The following PDIA3 variants were observed in gnomAD, a reference collection of about 807,000 sequenced individuals.
PDIA3 encodes protein disulfide-isomerase A3.
In PDIA3, 16 loss-of-function variants were observed where a neutral mutation model predicts 56.9. The ratio of observed to expected loss-of-function variants is 0.28; its 90% CI spans 0.19 to 0.43. The LOEUF is 0.43. Among genes scored for constraint, PDIA3 ranks in the 20% least tolerant of loss-of-function variants. The pLI, the probability that PDIA3 is intolerant of heterozygous loss-of-function variation, is 1.00. For synonymous variants in PDIA3, 192 were observed against 216.5 expected, an observed-to-expected ratio of 0.89 and a Z score of 0.99; for missense variants, 485 against 621.3, an observed-to-expected ratio of 0.78 and a Z score of 2.33.
At chr15:43,766,067 T>C (rs2086845984) in intron 7 of PDIA3, 55 bp downstream of exon 7, 3 of 1,519,636 alleles carry the variant, frequency 2.0e-6, no homozygotes, top group South Asian at 1.2e-5. Flanking sequence ...GTATAGACAG[T>C]CCCTTCTAAC....
chr15:43,748,478 C>CAA (rs901101702), intron 1 of PDIA3, among the ~76,000 whole-genome samples: 2 of 143,210 alleles, frequency 1.4e-5, no homozygotes, highest in East Asian at 4.0e-4. Flanking sequence ...AACTCTGTCT[C>CAA]AAAAAAAAAA....
At chr15:43,758,583 G>A (rs1429873480) in intron 3 of PDIA3, among the ~76,000 whole-genome samples, 3 of 151,430 alleles carry the variant, frequency 2.0e-5, no homozygotes, top group Admixed American at 6.6e-5. Context: ...ACTTGAGCCC[G>A]GGAGGCAGAG....
At chr15:43,758,077 A>G (rs1186713699) in intron 3 of PDIA3, among the ~76,000 whole-genome samples, 1 of 151,448 alleles carries the variant, frequency 6.6e-6, no homozygotes, top group Non-Finnish European at 1.5e-5. Context: ...TGTCACTACT[A>G]AAAATACAAA....
intron 3 of PDIA3, among the ~76,000 whole-genome samples, chr15:43,757,557 C>CAA (rs550598811): frequency 3.2e-5 from 3 of 93,322 alleles, no homozygotes; most frequent in African/African-American, 4.1e-5. Context: ...GACTCCGTCT[C>CAA]AAAAAAAAAA....
At chr15:43,760,111 T>C (rs1321769500) in intron 3 of PDIA3, among the ~76,000 whole-genome samples, 1 of 148,060 alleles carries the variant, frequency 6.8e-6, no homozygotes, top group East Asian at 2.0e-4. Context: ...AACAAAAAAA[T>C]GGTTTAACAA....
At position 43,763,082 on chromosome 15, in the gene PDIA3, T is replaced by C. The variant is rs765562588; in HGVS notation, c.478T>C (p.Phe160Leu). ...GTTTAATATTTTCTGTATAGGTTTT[T>C]TCGATGATTCATTCAGTGAGGCTCA... ...SDKDASIVGF[F>L]DDSFSEAHSE... Residue 160 changes from phenylalanine to leucine, a missense_variant, in exon 5 of 13, where the codon TTC (phenylalanine) becomes CTC (leucine). Transcript: ENST00000300289. 5 of 1,613,942 alleles carry C rather than the reference T, an allele frequency of 3.1e-6. No individual in the cohort carries two copies. Among genetic ancestry groups the C allele is most frequent in the South Asian group, 1.1e-5 (1 of 91,066 alleles).
chr15:43,766,505 C>T (rs2141655776), intron 7 of PDIA3, among the ~76,000 whole-genome samples: 1 of 152,332 alleles, frequency 6.6e-6, no homozygotes, highest in East Asian at 1.9e-4. Flanking sequence ...AGCAGGAATG[C>T]ACCAGTTGAT....
chr15:43,753,140 C>T (rs1281924474), intron 1 of PDIA3, among the ~76,000 whole-genome samples: 2 of 150,334 alleles, frequency 1.3e-5, no homozygotes, highest in Non-Finnish European at 3.0e-5. Context: ...TGCAGTGGCG[C>T]GATGTCAGCT....
chr15:43,762,056 A>G (rs1047198033), intron 4 of PDIA3, among the ~76,000 whole-genome samples: 1 of 152,196 alleles, frequency 6.6e-6, no homozygotes, highest in African/African-American at 2.4e-5. Flanking sequence ...CATGTGTTGC[A>G]GTATCTCGTT....
At chr15:43,769,886 A>C (rs2086870922) in intron 10 of PDIA3, among the ~76,000 whole-genome samples, 1 of 152,204 alleles carries the variant, frequency 6.6e-6, no homozygotes, top group Admixed American at 6.5e-5. Context: ...AAAAATATCT[A>C]AGGACTTCTG....
chr15:43,754,042 G>A, intron 2 of PDIA3, 140 bp downstream of exon 2: 4 of 640,518 alleles, frequency 6.2e-6, no homozygotes. Flanking sequence ...CTCTTATTCT[G>A]CTAAGAAGAG....
intron 1 of PDIA3, among the ~76,000 whole-genome samples, chr15:43,749,798 CG>C (rs1188061804): frequency 2.6e-5 from 4 of 151,960 alleles, no homozygotes; most frequent in Non-Finnish European, 5.9e-5. Flanking sequence ...AAAAATTAAC[CG>C]GGCATGGTAG....
chr15:43,768,780 T>C (rs773897816), intron 9 of PDIA3, among the ~76,000 whole-genome samples, 183 bp downstream of exon 9: 1 of 151,818 alleles, frequency 6.6e-6, no homozygotes, highest in East Asian at 1.9e-4. Flanking sequence ...TCCCAGCACT[T>C]TGGGAGGCAA....
In PDIA3 at chr15:43,761,407, T is replaced by C; in HGVS notation, c.365-17T>C. 1 of 1,402,866 alleles carries C rather than the reference T, an allele frequency of 7.1e-7. No homozygotes were observed. Among genetic ancestry groups the C allele is most frequent in the Non-Finnish European group, 1.0e-6 (1 of 998,638 alleles). 86.9% of individuals were successfully genotyped at this position (1,402,866 alleles called of 1,614,324 possible). ...TAAATAAGTTGTGTTGTCATAACTT[T>C]TATTTTGACTTCTAAGATGGAATTG... On this transcript the variant is annotated splice_polypyrimidine_tract_variant and intron_variant, in intron 3 of 12. Transcript: ENST00000300289.
At chr15:43,766,541 G>A (rs2086848489) in intron 7 of PDIA3, among the ~76,000 whole-genome samples, 187 bp from the exon 8 acceptor site, 1 of 152,222 alleles carries the variant, frequency 6.6e-6, no homozygotes, top group Admixed American at 6.5e-5. Flanking sequence ...TGCCAGTGAA[G>A]TTCAGTAAGG....
At chr15:43,765,423 C>G in intron 5 of PDIA3, 27 bp from the exon 6 acceptor site, 1 of 1,291,488 alleles carries the variant, frequency 7.7e-7, no homozygotes. Context: ...TATCTGCCTA[C>G]TGAGACTTTT....
chr15:43,748,308 G>T (rs780376646), intron 1 of PDIA3, among the ~76,000 whole-genome samples: 2 of 149,768 alleles, frequency 1.3e-5, no homozygotes, highest in East Asian at 4.0e-4. Flanking sequence ...AGAAACCCCC[G>T]TCTCTACTAA....
chr15:43,750,857 G>A (rs560788805), intron 1 of PDIA3, among the ~76,000 whole-genome samples: 1 of 152,082 alleles, frequency 6.6e-6, no homozygotes, highest in South Asian at 2.1e-4. Context: ...TAATGGCTGG[G>A]TGCAAAGGCT....
intron 1 of PDIA3, among the ~76,000 whole-genome samples, chr15:43,747,764 T>G (rs897033702): frequency 6.6e-6 from 1 of 152,188 alleles, no homozygotes; most frequent in Non-Finnish European, 1.5e-5. Flanking sequence ...TGTGTATAAC[T>G]TTTATTTGCT....
Sources: gnomAD v4.1 joint callset for allele counts (sites outside exome capture counted in the v4.1 genomes callset) on GRCh38, gnomAD v4.1.1 for gene constraint, MANE v1.5 for transcripts, NCBI Gene and HGNC (gene_info 2026-07-23, HGNC 2026-07-21) for gene names.